Variants in GRIK4 observed in about 807,000 individuals in gnomAD.
GRIK4 encodes the protein glutamate ionotropic receptor kainate type subunit 4.
GRIK4 carries 40 observed loss-of-function variants against 104.9 expected under a neutral mutation model. The observed-to-expected ratio is 0.38, with a 90% CI of 0.30 to 0.50. The LOEUF (loss-of-function observed/expected upper bound fraction) is 0.50, where lower values mean the gene tolerates loss of function less well. Ranked by LOEUF, GRIK4 falls within the 20% of genes least tolerant of loss-of-function variation. The probability of loss-of-function intolerance (pLI) is 0.93; values close to 1 mark genes in which losing one functional copy is unlikely to be tolerated. For missense variants in GRIK4, 1,047 were observed against 1,308.1 expected, an observed-to-expected ratio of 0.80 and a Z score of 3.08; for synonymous variants, 485 against 524.9, an observed-to-expected ratio of 0.92 and a Z score of 1.04.
At chr11:120,883,219 G>T (rs1328356688) in intron 11 of GRIK4, among the ~76,000 whole-genome samples, 2 of 152,146 alleles carry the variant, frequency 1.3e-5, no homozygotes, top group Non-Finnish European at 2.9e-5. Context: ...CAGATGTGCT[G>T]TCCGGGCCTA....
At chr11:120,585,534 G>C (rs1235987568) in intron 1 of GRIK4, among the ~76,000 whole-genome samples, 3 of 151,730 alleles carry the variant, frequency 2.0e-5, no homozygotes, top group Non-Finnish European at 2.9e-5. Flanking sequence ...TCTTAATAGT[G>C]CCTTTCGAAG....
chr11:120,772,644 C>CGT lies in GRIK4; in HGVS notation c.83-30048_83-30047insTG, dbSNP rs765058002. On this transcript the variant is annotated intron_variant, in intron 3 of 20. Coordinates refer to ENST00000527524, the MANE Select transcript of GRIK4 (RefSeq NM_014619.5). ...GGTGAGAACAGGTGGTGTATGTGCG[C>CGT]GCGTGTGTGTGTGTTACATGGGAGA... Among the ~76,000 whole-genome samples, 97 of 151,214 alleles carry CGT rather than the reference C, an allele frequency of 6.4e-4. 1 individual carries two copies. Among genetic ancestry groups the CGT allele is most frequent in the South Asian group, 3.4e-3 (16 of 4,772 alleles).
chr11:120,570,440 C>T (rs1948383173), intron 1 of GRIK4, among the ~76,000 whole-genome samples: 2 of 152,172 alleles, frequency 1.3e-5, no homozygotes, highest in Non-Finnish European at 1.5e-5. Context: ...CGATTGCATA[C>T]ATTATCAGTT....
chr11:120,821,472 T>C (rs1953125747), intron 6 of GRIK4, among the ~76,000 whole-genome samples: 1 of 152,172 alleles, frequency 6.6e-6, no homozygotes, highest in South Asian at 2.1e-4. Context: ...GCAGAGATCC[T>C]TGTAGCAGGC....
intron 18 of GRIK4, among the ~76,000 whole-genome samples, chr11:120,966,176 A>C (rs1045712148): frequency 1.3e-5 from 2 of 152,106 alleles, no homozygotes; most frequent in African/African-American, 2.4e-5. Flanking sequence ...GGAGGGAAGG[A>C]GGACTGGGAG....
At chr11:120,622,279 C>G (rs1195461171) in intron 1 of GRIK4, among the ~76,000 whole-genome samples, 1 of 152,108 alleles carries the variant, frequency 6.6e-6, no homozygotes, top group Non-Finnish European at 1.5e-5. Context: ...TCACAACAAC[C>G]CCATGAACTA....
chr11:120,845,120 G>C (rs1417247465), intron 8 of GRIK4, among the ~76,000 whole-genome samples: 1 of 152,196 alleles, frequency 6.6e-6, no homozygotes, highest in Non-Finnish European at 1.5e-5. Flanking sequence ...AAGTGATCTA[G>C]TCCTGTCCTC....
intron 8 of GRIK4, among the ~76,000 whole-genome samples, chr11:120,837,084 G>A (rs143580090): frequency 2.8e-4 from 43 of 152,320 alleles, no homozygotes; most frequent in African/African-American, 9.4e-4. Flanking sequence ...TACATAAAGC[G>A]AATTCTGGGC....
chr11:120,734,266 GT>G (rs145405137), intron 3 of GRIK4, among the ~76,000 whole-genome samples: 3,656 of 152,230 alleles, frequency 0.024, 60 homozygotes, highest in Non-Finnish European at 0.039. Flanking sequence ...GTCTGGGAAA[GT>G]TTTTATTTCT....
At chr11:120,581,885 C>A (rs1948585683) in intron 1 of GRIK4, among the ~76,000 whole-genome samples, 2 of 151,832 alleles carry the variant, frequency 1.3e-5, no homozygotes, top group African/African-American at 4.8e-5. Flanking sequence ...CGGCTCACTG[C>A]AAGCTCCACC....
intron 3 of GRIK4, among the ~76,000 whole-genome samples, chr11:120,787,707 C>T (rs1047629139): frequency 2.0e-5 from 3 of 151,978 alleles, no homozygotes; most frequent in Middle Eastern, 3.4e-3. Flanking sequence ...ACGTGATCCA[C>T]CTGCCTTGGC....
intron 3 of GRIK4, among the ~76,000 whole-genome samples, chr11:120,668,710 C>G (rs531124482): frequency 1.3e-5 from 2 of 152,178 alleles, no homozygotes; most frequent in Non-Finnish European, 2.9e-5. Flanking sequence ...CCGGGAGGCT[C>G]TAGCACAGTG....
intron 13 of GRIK4, among the ~76,000 whole-genome samples, chr11:120,920,716 G>A (rs1014610312): frequency 2.0e-5 from 3 of 152,190 alleles, no homozygotes; most frequent in African/African-American, 7.2e-5. Context: ...CTTGGGCTTA[G>A]AGAAATATAA....
At chr11:120,611,419 C>T (rs1237206361) in intron 1 of GRIK4, among the ~76,000 whole-genome samples, 2 of 152,144 alleles carry the variant, frequency 1.3e-5, no homozygotes, top group East Asian at 1.9e-4. Context: ...TTAGCATTAA[C>T]GTGTGCGTGT....
At chr11:120,592,556 A>C (rs1486167730) in intron 1 of GRIK4, among the ~76,000 whole-genome samples, 2 of 152,096 alleles carry the variant, frequency 1.3e-5, no homozygotes, top group Non-Finnish European at 2.9e-5. Context: ...TTTTTTATCG[A>C]ATGATGTTTC....
At chr11:120,823,455 C>T (rs1953175959) in intron 6 of GRIK4, among the ~76,000 whole-genome samples, 1 of 152,214 alleles carries the variant, frequency 6.6e-6, no homozygotes, top group Non-Finnish European at 1.5e-5. Context: ...ATTTTACCTC[C>T]CTCCTCCCCG....
At chr11:120,579,683 A>G (rs1412983904) in intron 1 of GRIK4, among the ~76,000 whole-genome samples, 2 of 152,196 alleles carry the variant, frequency 1.3e-5, no homozygotes, top group African/African-American at 4.8e-5. Context: ...AGAGGCTTGG[A>G]CATAGTATGG....
In GRIK4 at chr11:120,986,209, C is replaced by T; in HGVS notation, c.2820C>T (p.Ser940=). Residue 940 remains serine (S), a synonymous_variant, in exon 21 of 21, where the codon AGC becomes AGT. Transcript: ENST00000527524. ...GLRARPSPAR[S]EESLEWEKTT... Reference sequence around the variant, plus strand: ...GGGCACGGCCGTCGCCCGCCCGCAGCGAGGAGAGCCTGGAGTGGGAGAAAA... The same window carrying T: ...GGGCACGGCCGTCGCCCGCCCGCAGTGAGGAGAGCCTGGAGTGGGAGAAAA... 6.4e-7 allele frequency: 1 copy of T among 1,570,926 alleles called. No individual in the cohort carries two copies. The highest frequency in any genetic ancestry group is 8.6e-7 in the Non-Finnish European group (1 of 1,168,294).
At chr11:120,821,857 G>C (rs192697726) in intron 6 of GRIK4, among the ~76,000 whole-genome samples, 341 of 152,302 alleles carry the variant, frequency 2.2e-3, no homozygotes, top group African/African-American at 7.8e-3. Context: ...CGCAGCCTCT[G>C]TTCTCAAAGA....
Sources: allele counts gnomAD v4.1 joint callset (sites outside exome capture counted in the v4.1 genomes callset), GRCh38; gene constraint gnomAD v4.1.1; transcripts MANE v1.5; gene names NCBI Gene and HGNC (gene_info 2026-07-23, HGNC 2026-07-21).